CCDC175: variants seen among roughly 807,000 people sequenced by gnomAD.
The protein encoded by CCDC175 is coiled-coil domain-containing protein 175.
In CCDC175, 100 loss-of-function variants were observed where a neutral mutation model predicts 114.6. That is an observed-to-expected ratio of 0.87 (90% confidence interval 0.74 to 1.03). CCDC175 has a LOEUF of 1.03. CCDC175 is among the 50% of genes least tolerant of loss of function. The probability of loss-of-function intolerance (pLI) is 0.00; values close to 1 mark genes in which losing one functional copy is unlikely to be tolerated. For missense variants in CCDC175, 880 were observed against 917.8 expected, an observed-to-expected ratio of 0.96 and a Z score of 0.53; for synonymous variants, 306 against 308.7, an observed-to-expected ratio of 0.99 and a Z score of 0.09.
intron 7 of CCDC175, among the ~76,000 whole-genome samples, chr14:59,559,706 T>G (rs1003066285): frequency 4.6e-5 from 7 of 152,176 alleles, no homozygotes; most frequent in African/African-American, 1.7e-4. Flanking sequence ...TACAAGGAAC[T>G]TTCTTTTAAT....
chr14:59,568,265 T>A lies in CCDC175; in HGVS notation c.471A>T (p.Thr157=), dbSNP rs1185960088. 2.0e-6 allele frequency: 3 copies of A among 1,531,402 alleles called. No individual in the cohort carries two copies. Among genetic ancestry groups the A allele is most frequent in the Non-Finnish European group, 2.6e-6 (3 of 1,145,586 alleles). The allele number at this position is 1,531,402 out of a possible 1,614,324, so 94.9% of individuals were successfully genotyped here. Residue 157 remains threonine (T), a synonymous_variant, in exon 4 of 20, where the codon ACA becomes ACT. Coordinates refer to ENST00000537690, the MANE Select transcript of CCDC175 (RefSeq NM_001164399.2). ...CCTACCCCAGAGCTTCATTATATTT[T>A]GTCAGGTCAGTTATTTTCTTCTTCA... ...ELLKKKITDL[T]KYNEALGEKQ...
intron 1 of CCDC175, among the ~76,000 whole-genome samples, chr14:59,575,294 ATT>A (rs59733429): frequency 2.0e-5 from 3 of 151,998 alleles, no homozygotes; most frequent in Middle Eastern, 3.2e-3. Context: ...GGGTGTAATG[ATT>A]TTTTTTTCCT....
chr14:59,556,975 G>T (rs1393116681), intron 7 of CCDC175, among the ~76,000 whole-genome samples: 2 of 152,174 alleles, frequency 1.3e-5, no homozygotes, highest in Non-Finnish European at 2.9e-5. Flanking sequence ...AACAGGTGCT[G>T]GAGAGGATGT....
At chr14:59,576,491 G>A in intron 1 of CCDC175, 128 bp downstream of exon 1, 1 of 877,358 alleles carries the variant, frequency 1.1e-6, no homozygotes, top group Non-Finnish European at 1.5e-6. Flanking sequence ...GGAGCGGGGA[G>A]AAGGCTCTGC....
intron 19 of CCDC175, among the ~76,000 whole-genome samples, chr14:59,506,818 CTT>C (rs1327355783): frequency 6.6e-6 from 1 of 152,060 alleles, no homozygotes; most frequent in Non-Finnish European, 1.5e-5. Context: ...ACAGAGATAA[CTT>C]TGACAGTTAT....
intron 7 of CCDC175, among the ~76,000 whole-genome samples, chr14:59,551,784 T>A (rs1895508712): frequency 6.6e-6 from 1 of 152,184 alleles, no homozygotes; most frequent in East Asian, 1.9e-4. Context: ...ACTGCACTTT[T>A]CCAAGGGTCT....
intron 19 of CCDC175, among the ~76,000 whole-genome samples, chr14:59,508,094 G>T (rs1412835425): frequency 6.6e-6 from 1 of 151,994 alleles, no homozygotes; most frequent in Non-Finnish European, 1.5e-5. Context: ...GAATCAAGCT[G>T]CTGGCGGACA....
At chr14:59,546,342 T>C (rs764180815) in intron 8 of CCDC175, among the ~76,000 whole-genome samples, 14 of 152,028 alleles carry the variant, frequency 9.2e-5, no homozygotes, top group Non-Finnish European at 1.9e-4. Flanking sequence ...TGGGGAAGGG[T>C]TGGAAAACTA....
intron 17 of CCDC175, among the ~76,000 whole-genome samples, chr14:59,516,589 G>A (rs1337005681): frequency 3.3e-5 from 5 of 152,114 alleles, no homozygotes; most frequent in Non-Finnish European, 5.9e-5. Flanking sequence ...TAAATTCCTC[G>A]ACACATACAC....
chr14:59,541,631 T>A (rs1419014214), intron 10 of CCDC175, among the ~76,000 whole-genome samples: 1 of 152,218 alleles, frequency 6.6e-6, no homozygotes, highest in African/African-American at 2.4e-5. Flanking sequence ...CCTCTGGATC[T>A]CTAAGGGTCT....
intron 2 of CCDC175, among the ~76,000 whole-genome samples, chr14:59,573,618 G>GTTTTT (rs71111652): frequency 9.2e-6 from 1 of 108,940 alleles, no homozygotes; most frequent in Non-Finnish European, 1.9e-5. Context: ...TTGTTTTTTT[G>GTTTTT]TTTTTTTTTT....
chr14:59,549,507 G>T (rs765548017), intron 8 of CCDC175, among the ~76,000 whole-genome samples: 2 of 151,848 alleles, frequency 1.3e-5, no homozygotes, highest in African/African-American at 2.4e-5. Context: ...ATCATTTCAG[G>T]TCAGGAGTTG....
intron 18 of CCDC175, 49 bp downstream of exon 18, chr14:59,511,711 T>C (rs1025531616): frequency 1.4e-6 from 2 of 1,463,254 alleles, no homozygotes; most frequent in Non-Finnish European, 1.9e-6. Context: ...GTAAACATTT[T>C]TGGAAATATG....
rs1319507852 is a variant in CCDC175, at chr14:59,505,275, C to T, written c.2346G>A (p.Val782=). The part of the protein sequence containing the change: ...KHIRTRVHFP[V]VKCTEKNTLT... ...ATGTATTTTTCTCAGTACATTTAAC[C>T]ACTGGGAAATGAACCCTTGTACGAA... The change falls in exon 20 of 20, where the codon GTG becomes GTA. Residue 782 remains valine, a synonymous_variant. Transcript: ENST00000537690. 1 of 1,509,252 alleles carries T rather than the reference C, an allele frequency of 6.6e-7. No homozygotes were observed. The highest frequency in any genetic ancestry group is 8.9e-7 in the Non-Finnish European group (1 of 1,128,238). 93.5% of individuals were successfully genotyped at this position (1,509,252 alleles called of 1,614,324 possible).
chr14:59,532,090 ACTGACACT>A (rs1894106498), intron 13 of CCDC175, among the ~76,000 whole-genome samples, 180 bp from the exon 14 acceptor site: 1 of 152,180 alleles, frequency 6.6e-6, no homozygotes, highest in Admixed American at 6.5e-5. Flanking sequence ...TCCCTGACTC[ACTGACACT>A]CTGACAATCC....
In CCDC175 at chr14:59,517,990, C is replaced by T. The variant is rs546274764; in HGVS notation, c.2098+3584G>A. Among the ~76,000 whole-genome samples the T allele has an allele frequency of 2.4e-3, 363 of 152,114 alleles. 2 individuals are homozygous for T. The highest frequency in any genetic ancestry group is 8.2e-3 in the African/African-American group (341 of 41,488). On this transcript the variant is annotated intron_variant, in intron 17 of 19. Transcript: ENST00000537690. ...AAACAGAGATATAGAGCAATGGAAC[C>T]GAACAGAGCCCTCAGAAATAATGCC...
chr14:59,565,751 A>T (rs1420384220), intron 4 of CCDC175, among the ~76,000 whole-genome samples: 1 of 152,078 alleles, frequency 6.6e-6, no homozygotes, highest in Non-Finnish European at 1.5e-5. Flanking sequence ...GGAAACACAA[A>T]ACAAGCATCA....
chr14:59,515,784 C>A (rs983061569), intron 17 of CCDC175, among the ~76,000 whole-genome samples: 3 of 152,138 alleles, frequency 2.0e-5, no homozygotes, highest in Non-Finnish European at 4.4e-5. Context: ...CAAGAATATC[C>A]AGGAATTGAA....
At chr14:59,552,130 C>T (rs985624010) in intron 7 of CCDC175, among the ~76,000 whole-genome samples, 13 of 152,200 alleles carry the variant, frequency 8.5e-5, no homozygotes, top group Admixed American at 1.3e-4. Context: ...GTGGTTCTCC[C>T]GGCACGGAGT....
Sources: allele counts gnomAD v4.1 joint callset (sites outside exome capture counted in the v4.1 genomes callset), GRCh38; gene constraint gnomAD v4.1.1; transcripts MANE v1.5; gene names NCBI Gene and HGNC (gene_info 2026-07-23, HGNC 2026-07-21).